ITSN2: variants seen among roughly 807,000 people sequenced by gnomAD.
ITSN2 encodes intersectin 2.
Under a neutral mutation model 243.7 loss-of-function variants are expected in ITSN2, and 156 were observed. That is an observed-to-expected ratio of 0.64 (90% CI 0.56 to 0.73). ITSN2 has a LOEUF of 0.73. Among genes scored for constraint, ITSN2 ranks in the 30% least tolerant of loss-of-function variants. ITSN2 has a pLI of 0.00. For missense variants in ITSN2, 1,801 were observed against 1,996.1 expected (o/e 0.90, Z 1.86); for synonymous variants, 703 against 699.9 (o/e 1.00, Z -0.07).
chr2:24,285,647 A>G (rs190196496), intron 16 of ITSN2, among the ~76,000 whole-genome samples: 1 of 152,336 alleles, frequency 6.6e-6, no homozygotes, highest in African/African-American at 2.4e-5. Flanking sequence ...TACTGTGGTG[A>G]ATGATATGCA....
chr2:24,334,281 A>T (rs1043653011), intron 1 of ITSN2, among the ~76,000 whole-genome samples: 1 of 151,162 alleles, frequency 6.6e-6, no homozygotes, highest in African/African-American at 2.4e-5. Context: ...CTGGTTTTGA[A>T]CTCCTGACCT....
At chr2:24,246,593 G>A (rs556016326) in intron 28 of ITSN2, among the ~76,000 whole-genome samples, 2 of 152,124 alleles carry the variant, frequency 1.3e-5, no homozygotes, top group East Asian at 3.8e-4. Flanking sequence ...TCAAAGAGTC[G>A]AAGTGGTTCA....
intron 1 of ITSN2, among the ~76,000 whole-genome samples, chr2:24,341,181 A>G (rs1166849159): frequency 6.6e-6 from 1 of 152,204 alleles, no homozygotes. Flanking sequence ...AGGAATCTAG[A>G]TATTAGATTT....
Position 24,298,526 on chromosome 2 carries a change from C to T in ITSN2, c.1494+139G>A, listed in dbSNP as rs559578627. The T allele has an allele frequency of 8.8e-6, 6 of 680,852 alleles. No individual in the cohort carries two copies. In the South Asian group the frequency reaches 9.1e-5, roughly 10 times the overall value. 42.2% of individuals were successfully genotyped at this position (680,852 alleles called of 1,614,324 possible). On this transcript the variant is annotated intron_variant, in intron 13 of 39. Transcript: ENST00000355123. The stretch of plus-strand genomic sequence containing the variant: ...TGGCCAGGCTGGTTTCAAACTCCTG[C>T]CCCAGTTGATCTGCCTGCCTTGGCC...
In ITSN2 at chr2:24,204,466, G is replaced by A. The variant is rs763816913; in HGVS notation, c.4763-48C>T. 3.9e-6 allele frequency: 6 copies of A among 1,556,480 alleles called. No individual in the cohort carries two copies. The highest frequency in any genetic ancestry group is 4.4e-6 in the Non-Finnish European group (5 of 1,127,816). On this transcript the variant is annotated intron_variant, in intron 38 of 39. Coordinates refer to ENST00000355123, the MANE Select transcript of ITSN2 (RefSeq NM_006277.3). This position sits in a 1 kb window ranked among gnomAD's most constrained non-coding sequence, Gnocchi z 5.1. The stretch of plus-strand genomic sequence containing the variant: ...CACATGTGGTGCATGCAGGTAAAAC[G>A]AAGCGACTGACAGTGCCCTCCCTGA...
At chr2:24,317,722 T>C (rs2551122) in intron 2 of ITSN2, among the ~76,000 whole-genome samples, 21,590 of 152,254 alleles carry the variant, frequency 0.14, 2,278 homozygotes, top group African/African-American at 0.3. Flanking sequence ...GTCACCTATG[T>C]AGACACCTAC....
chr2:24,345,028 T>C (rs1425216250), intron 1 of ITSN2, among the ~76,000 whole-genome samples: 1 of 152,210 alleles, frequency 6.6e-6, no homozygotes, highest in Admixed American at 6.5e-5. Context: ...ATCTAAATAT[T>C]ATCACCTCAA....
chr2:24,222,134 C>A (rs184756644), intron 29 of ITSN2, among the ~76,000 whole-genome samples: 33 of 152,002 alleles, frequency 2.2e-4, no homozygotes, highest in Admixed American at 5.9e-4. Flanking sequence ...CGCCTGTAGT[C>A]CCAGCTACTC....
At chr2:24,301,878 C>T in intron 10 of ITSN2, 87 bp downstream of exon 10, 2 of 1,243,474 alleles carry the variant, frequency 1.6e-6, no homozygotes, top group Non-Finnish European at 1.1e-6. Context: ...ATACTAAAAT[C>T]AATGGCAGTG....
Position 24,220,995 on chromosome 2 carries a change from G to C in ITSN2, c.3649C>G (p.Leu1217Val). The change falls in exon 30 of 40, where the codon CTG becomes GTG. Residue 1217 changes from leucine to valine, a missense_variant. Physicochemically the swap from Leu to Val is conservative, Grantham distance 32. This residue lies in a region of ITSN2 where 928 missense variants were observed against 1,065.4 expected (regional missense o/e 0.87). Coordinates refer to ENST00000355123, the MANE Select transcript of ITSN2 (RefSeq NM_006277.3). The stretch of plus-strand genomic sequence containing the variant: ...ATGTACCGCTCTTCGGTCTGAATCA[G>C]CTCATGAATATAGCCCTGTCTTTTC... ...ERKRQGYIHE[L>V]IQTEERYMAD... 6.2e-7 allele frequency: 1 copy of C among 1,610,200 alleles called. No homozygotes were observed. Among genetic ancestry groups the C allele is most frequent in the African/African-American group, 1.3e-5 (1 of 74,774 alleles).
At chr2:24,220,870 C>T (rs1192546840) in intron 30 of ITSN2, 75 bp downstream of exon 30, 4 of 1,510,706 alleles carry the variant, frequency 2.6e-6, no homozygotes, top group Non-Finnish European at 3.5e-6. Flanking sequence ...TGGAGGCAGC[C>T]CTGAGTCTGA....
At chr2:24,329,711 T>C (rs1027697681) in intron 1 of ITSN2, among the ~76,000 whole-genome samples, 22 of 152,196 alleles carry the variant, frequency 1.4e-4, no homozygotes, top group African/African-American at 5.3e-4. Context: ...TCTCATCTAT[T>C]TACCCAAATC....
intron 18 of ITSN2, among the ~76,000 whole-genome samples, chr2:24,275,480 G>A (rs1447783091): frequency 6.6e-6 from 1 of 152,176 alleles, no homozygotes; most frequent in Non-Finnish European, 1.5e-5. Context: ...GGTAGTAAGT[G>A]GAAGAGCAAG....
intron 29 of ITSN2, among the ~76,000 whole-genome samples, chr2:24,232,402 A>G (rs546419816): frequency 1.6e-4 from 25 of 152,222 alleles, no homozygotes; most frequent in Non-Finnish European, 2.6e-4. Flanking sequence ...TAAGCCTAAG[A>G]CAGCAATGAC....
chr2:24,254,419 C>A lies in ITSN2; in HGVS notation c.2901G>T (p.Leu967Phe), dbSNP rs1231829614. 1.2e-6 allele frequency: 2 copies of A among 1,610,810 alleles called. No homozygotes were observed. The highest frequency in any genetic ancestry group is 1.7e-6 in the Non-Finnish European group (2 of 1,177,528). ...TAGGTTTCTTATTTACAGCTGCATACAAAGCTTCTGGTCTACCAAATATAT... is the reference window on the plus strand; with the variant it reads ...TAGGTTTCTTATTTACAGCTGCATAAAAAGCTTCTGGTCTACCAAATATAT... ...SEVKREEPEA[L>F]YAAVNKKPTS... Residue 967 changes from leucine to phenylalanine, a missense_variant, in exon 24 of 40, where the codon TTG becomes TTT. By Grantham distance (22) the Leu-to-Phe change is conservative. Around this residue, in one of 5 missense-constraint regions of ITSN2, gnomAD observed 928 missense variants for 1,065.4 expected, o/e 0.87. Transcript: ENST00000355123.
intron 17 of ITSN2, among the ~76,000 whole-genome samples, chr2:24,283,639 T>C (rs184292283): frequency 8.5e-5 from 13 of 152,374 alleles, no homozygotes; most frequent in Admixed American, 3.3e-4. Context: ...TCTGACAGTA[T>C]AGATTTCATA....
intron 8 of ITSN2, among the ~76,000 whole-genome samples, chr2:24,307,575 C>T (rs1037700229): frequency 6.6e-5 from 10 of 152,192 alleles, no homozygotes; most frequent in African/African-American, 2.2e-4. Flanking sequence ...CCCCATGCTT[C>T]CACAAGAGGT....
chr2:24,299,026 C>CTTTTTT (rs1181200021), intron 12 of ITSN2, among the ~76,000 whole-genome samples: 1 of 124,302 alleles, frequency 8.0e-6, no homozygotes, highest in Non-Finnish European at 1.7e-5. Context: ...TTCACGAGAT[C>CTTTTTT]TTTTTTTTTT....
intron 1 of ITSN2, among the ~76,000 whole-genome samples, chr2:24,346,107 C>A (rs1342373300): frequency 1.3e-5 from 2 of 152,086 alleles, no homozygotes; most frequent in African/African-American, 4.8e-5. Flanking sequence ...AAGACTGTAT[C>A]CCAGCCCACA....
Sources: allele counts gnomAD v4.1 joint callset (sites outside exome capture counted in the v4.1 genomes callset), GRCh38; gene constraint gnomAD v4.1.1; regional missense constraint gnomAD v4.1.1; non-coding constraint Gnocchi (gnomAD v3.1); transcripts MANE v1.5; gene names NCBI Gene and HGNC (gene_info 2026-07-23, HGNC 2026-07-21).